TNXB: variants seen among roughly 807,000 people sequenced by gnomAD.
TNXB encodes the protein tenascin XB.
In TNXB, 183 loss-of-function variants were observed where a neutral mutation model predicts 340.5. The observed-to-expected ratio is 0.54, with a 90% CI of 0.48 to 0.61. The LOEUF (loss-of-function observed/expected upper bound fraction) is 0.61. Ranked by LOEUF, TNXB falls within the 20% of genes least tolerant of loss-of-function variation. TNXB has a pLI of 0.00. For synonymous variants in TNXB, 2,121 were observed against 2,314.5 expected (o/e 0.92, Z 2.40); for missense variants, 4,613 against 5,446.4 (o/e 0.85, Z 4.82).
At position 32,075,786 on chromosome 6, in the gene TNXB, C is replaced by A. The variant is rs1441802283; in HGVS notation, c.4376-1834G>T. 6.6e-6 allele frequency among the ~76,000 whole-genome samples: 1 copy of A among 152,218 alleles called. No individual in the cohort carries two copies. Among genetic ancestry groups the A allele is most frequent in the African/African-American group, 2.4e-5 (1 of 41,452 alleles). On this transcript the variant is annotated intron_variant, in intron 11 of 43. Coordinates refer to ENST00000644971, the MANE Select transcript of TNXB (RefSeq NM_001365276.2). This position sits in a 1 kb window ranked among gnomAD's most constrained non-coding sequence, Gnocchi z 4.6. ...GACCTGCAGATCCCCACCACTCCCG[C>A]ATGAGGAAGCACTCATTAGTGAGCA...
Position 32,089,082 on chromosome 6 carries a change from G to A in TNXB, c.2516-34C>T, listed in dbSNP as rs547241787. 1.9e-6 allele frequency: 3 copies of A among 1,598,346 alleles called. No individual in the cohort carries two copies. The highest frequency in any genetic ancestry group is 3.4e-5 in the Admixed American group (2 of 59,612). On this transcript the variant is annotated intron_variant, in intron 5 of 43. Transcript: ENST00000644971. This position sits in a 1 kb window ranked among gnomAD's most constrained non-coding sequence, Gnocchi z 6.2. ...GTTAAAGAGGAGGACTCAGGTGGGT[G>A]TCTGGTTCTTCAATCATCATCTTTC...
chr6:32,064,520 TGTGA>T lies in TNXB; in HGVS notation c.6841+297_6841+300del, dbSNP rs1778214710. ...TGAGCCACCGTGCCCAGACAGGTTG[TGTGA>T]GTCTCTTGAGGACACACAGCTCAAA... On this transcript the variant is annotated intron_variant, in intron 19 of 43. Coordinates refer to ENST00000644971, the MANE Select transcript of TNXB (RefSeq NM_001365276.2). This position sits in a 1 kb window ranked among gnomAD's most constrained non-coding sequence, Gnocchi z 5.3. Among the ~76,000 whole-genome samples the T allele has an allele frequency of 6.6e-6, 1 of 152,120 alleles. No homozygotes were observed. Among genetic ancestry groups the T allele is most frequent in the Non-Finnish European group, 1.5e-5 (1 of 68,004 alleles).
chr6:32,066,268 C>G (rs1778330643), intron 18 of TNXB, among the ~76,000 whole-genome samples: 1 of 152,078 alleles, frequency 6.6e-6, no homozygotes, highest in Non-Finnish European at 1.5e-5. Context: ...GTGGCGAGCA[C>G]CTGTGGCCCC....
Position 32,085,828 on chromosome 6 carries a change from T to C in TNXB, c.3070A>G (p.Thr1024Ala). ...QALVPPPPPG[T>A]PYELSLHGVP... ...CCATGAAGTGACAGCTCATACGGGG[T>C]TCCAGGAGGGGGTGGAGGCACCAGA... The change falls in exon 7 of 44, where the codon ACC becomes GCC. Residue 1024 changes from threonine (T) to alanine (A), a missense_variant. Physicochemically the swap from Thr to Ala is moderately conservative, Grantham distance 58. Transcript: ENST00000644971. This position sits in a 1 kb window ranked among gnomAD's most constrained non-coding sequence, Gnocchi z 6.4. The C allele has an allele frequency of 1.2e-6, 2 of 1,604,676 alleles. No individual in the cohort carries two copies. The highest frequency in any genetic ancestry group is 1.7e-6 in the Non-Finnish European group (2 of 1,176,630).
chr6:32,070,121 C>T lies in TNXB; in HGVS notation c.5278+6G>A. ...AGAGCAGGGACCTGCAGGGAATGCC[C>T]CTCACCCGTGGTGCCGTCGGCAGTG... On this transcript the variant is annotated splice_donor_region_variant and intron_variant, in intron 14 of 43. Transcript: ENST00000644971. The surrounding 1 kb of genome is among the most constrained non-coding windows in gnomAD (Gnocchi z 6.0). 1.9e-6 allele frequency: 3 copies of T among 1,555,558 alleles called. No homozygotes were observed. The highest frequency in any genetic ancestry group is 2.3e-5 in the East Asian group (1 of 44,214).
rs901009318 is a variant in TNXB at position 32,046,473 on chromosome 6, G to C, written c.10325-17C>G. ...CCAGGGGAGCTGTGCAGAGGGAGGAGGGAAAGCTCTTAGTCACATGCTGCC... is the reference window on the plus strand; with the variant it reads ...CCAGGGGAGCTGTGCAGAGGGAGGACGGAAAGCTCTTAGTCACATGCTGCC... On this transcript the variant is annotated splice_polypyrimidine_tract_variant and intron_variant, in intron 30 of 43. Transcript: ENST00000644971. The surrounding 1 kb of genome is among the most constrained non-coding windows in gnomAD (Gnocchi z 6.9). 1 of 1,548,448 alleles carries C rather than the reference G, an allele frequency of 6.5e-7. No homozygotes were observed. Among genetic ancestry groups the C allele is most frequent in the African/African-American group, 1.4e-5 (1 of 73,502 alleles).
intron 4 of TNXB, among the ~76,000 whole-genome samples, chr6:32,092,225 C>A (rs1353310981): frequency 6.6e-6 from 1 of 152,146 alleles, no homozygotes; most frequent in African/African-American, 2.4e-5. Context: ...GGGAGTCTGA[C>A]AATTTGCATG....
Position 32,082,715 on chromosome 6 carries a change from C to A in TNXB, c.3446-389G>T, listed in dbSNP as rs1779544388. On this transcript the variant is annotated intron_variant, in intron 8 of 43. Coordinates refer to ENST00000644971, the MANE Select transcript of TNXB (RefSeq NM_001365276.2). The surrounding 1 kb of genome is among the most constrained non-coding windows in gnomAD (Gnocchi z 5.0). Reference sequence around the variant, plus strand: ...CCTCCACTGCTTCCAAGCCTAACTACTAGCTGGCTTCTTCTCCAAGAGAGG... The same window carrying A: ...CCTCCACTGCTTCCAAGCCTAACTAATAGCTGGCTTCTTCTCCAAGAGAGG... Among the ~76,000 whole-genome samples, 1 of 152,200 alleles carries A rather than the reference C, an allele frequency of 6.6e-6. No homozygotes were observed. Among genetic ancestry groups the A allele is most frequent in the Non-Finnish European group, 1.5e-5 (1 of 68,038 alleles).
rs1319231054 is a variant in TNXB at position 32,082,524 on chromosome 6, C to T, written c.3446-198G>A. The stretch of plus-strand genomic sequence containing the variant: ...TGTGTGCCCTGGTGAGGAGTGGTGT[C>T]CACTTTAAGGAATGGGTGCCTTCTT... On this transcript the variant is annotated intron_variant, in intron 8 of 43. Coordinates refer to ENST00000644971, the MANE Select transcript of TNXB (RefSeq NM_001365276.2). The surrounding 1 kb of genome is among the most constrained non-coding windows in gnomAD (Gnocchi z 5.0). 6.6e-6 allele frequency among the ~76,000 whole-genome samples: 1 copy of T among 152,110 alleles called. No individual in the cohort carries two copies. Among genetic ancestry groups the T allele is most frequent in the African/African-American group, 2.4e-5 (1 of 41,408 alleles).
chr6:32,052,373 C>A lies in TNXB; in HGVS notation c.9115+297G>T, dbSNP rs1374099071. Reference sequence around the variant, plus strand: ...GGCTGAGGTAGGAGAATCACTTGAACCCAGGAGGCGGAGGTTCCAGTGAGC... The same window carrying A: ...GGCTGAGGTAGGAGAATCACTTGAAACCAGGAGGCGGAGGTTCCAGTGAGC... On this transcript the variant is annotated intron_variant, in intron 26 of 43. Transcript: ENST00000644971. This position sits in a 1 kb window ranked among gnomAD's most constrained non-coding sequence, Gnocchi z 4.7. 1.3e-5 allele frequency among the ~76,000 whole-genome samples: 2 copies of A among 151,948 alleles called. No individual in the cohort carries two copies. Among genetic ancestry groups the A allele is most frequent in the African/African-American group, 4.8e-5 (2 of 41,322 alleles).
chr6:32,104,889 A>C (rs1451768987), intron 1 of TNXB, among the ~76,000 whole-genome samples: 1 of 152,022 alleles, frequency 6.6e-6, no homozygotes, highest in African/African-American at 2.4e-5. Context: ...CTCCCACCCT[A>C]GCCTCCCAAT....
chr6:32,056,126 G>C lies in TNXB; in HGVS notation c.8192C>G (p.Pro2731Arg), dbSNP rs440160. The C allele has an allele frequency of 0.044, 71,254 of 1,612,582 alleles. 2,010 individuals carry two copies. Among genetic ancestry groups the C allele is most frequent in the African/African-American group, 0.097 (7,300 of 74,980 alleles). ...CAGGAGCGGCTCCTCAGGGGGCTCC[G>C]GGGCCTCAGTGCTGAGTTCCGTGGG... Reference protein sequence around the residue: ...PSPTELSTEAPEPPEEPLLGE... With the variant: ...PSPTELSTEAREPPEEPLLGE... The change falls in exon 24 of 44, where the codon CCG becomes CGG. Residue 2731 changes from proline to arginine, a missense_variant. Transcript: ENST00000644971.
Position 32,043,867 on chromosome 6 carries a change from A to T in TNXB, c.11412T>A (p.Asp3804Glu), listed in dbSNP as rs2894232. Residue 3804 changes from aspartate (D) to glutamate (E), a missense_variant, in exon 35 of 44, where the codon GAT becomes GAA. Physicochemically the swap from Asp to Glu is conservative, Grantham distance 45 (BLOSUM62 2). Transcript: ENST00000644971. ...DGGEPQSVQV[D>E]GQARTQKLQG... The stretch of plus-strand genomic sequence containing the variant: ...GGAGTTTCTGGGTCCGGGCCTGGCC[A>T]TCCACCTGCACACTCTGAGGCTCCC... 6.2e-7 allele frequency: 1 copy of T among 1,613,262 alleles called. No homozygotes were observed. The highest frequency in any genetic ancestry group is 1.1e-5 in the South Asian group (1 of 91,032).
intron 4 of TNXB, chr6:32,093,523 T>C (rs1382030523): frequency 8.0e-6 from 5 of 625,996 alleles, no homozygotes; most frequent in Non-Finnish European, 1.2e-5. Context: ...AGCTGTCCCC[T>C]TCTGTCCTAG....
rs2151914984 is a variant in TNXB, at chr6:32,068,723, G to A, written c.5903-16C>T. On this transcript the variant is annotated splice_polypyrimidine_tract_variant and intron_variant, in intron 16 of 43. Coordinates refer to ENST00000644971, the MANE Select transcript of TNXB (RefSeq NM_001365276.2). The surrounding 1 kb of genome is among the most constrained non-coding windows in gnomAD (Gnocchi z 5.3). ...TCCTCCGGGACTGGACAGAGACATGGAAAGAGAGGACTGAGGTGGGCAGGG... is the reference window on the plus strand; with the variant it reads ...TCCTCCGGGACTGGACAGAGACATGAAAAGAGAGGACTGAGGTGGGCAGGG... 1 of 1,609,462 alleles carries A rather than the reference G, an allele frequency of 6.2e-7. No individual in the cohort carries two copies. Among genetic ancestry groups the A allele is most frequent in the Non-Finnish European group, 8.5e-7 (1 of 1,176,686 alleles).
Position 32,067,633 on chromosome 6 carries a change from C to T in TNXB, c.6544+28G>A. ...GAGGCTGTACTTTGCTAAGACCCAA[C>T]CCAGAGGGCTCTGCAGTGCACACTC... On this transcript the variant is annotated intron_variant, in intron 18 of 43. Coordinates refer to ENST00000644971, the MANE Select transcript of TNXB (RefSeq NM_001365276.2). The surrounding 1 kb of genome is among the most constrained non-coding windows in gnomAD (Gnocchi z 4.2). 1.2e-6 allele frequency: 2 copies of T among 1,604,194 alleles called. No individual in the cohort carries two copies. Among genetic ancestry groups the T allele is most frequent in the South Asian group, 2.2e-5 (2 of 90,612 alleles).
chr6:32,079,210 C>T lies in TNXB; in HGVS notation c.4198G>A (p.Asp1400Asn), dbSNP rs1456879875. Reference sequence around the variant, plus strand: ...TCCTTGTACTGCACGGTGAAAGAGTCGAAGCTGCCCTGGGGGACGGTCCAG... The same window carrying T: ...TCCTTGTACTGCACGGTGAAAGAGTTGAAGCTGCCCTGGGGGACGGTCCAG... ...LFWTVPQGSF[D>N]SFTVQYKDRD... is the part of the protein sequence containing the mutation. Residue 1400 changes from aspartate to asparagine, a missense_variant, in exon 11 of 44, where the codon GAC becomes AAC. Around this residue, in one of 7 missense-constraint regions of TNXB, gnomAD observed 4,327 missense variants for 4,859.4 expected, o/e 0.89. Coordinates refer to ENST00000644971, the MANE Select transcript of TNXB (RefSeq NM_001365276.2). This position sits in a 1 kb window ranked among gnomAD's most constrained non-coding sequence, Gnocchi z 7.1. The T allele has an allele frequency of 6.8e-6, 11 of 1,613,734 alleles. No homozygotes were observed. Among genetic ancestry groups the T allele is most frequent in the African/African-American group, 2.7e-5 (2 of 74,918 alleles).
chr6:32,086,149 G>T, intron 6 of TNXB, 31 bp from the exon 7 acceptor site: 1 of 1,463,414 alleles, frequency 6.8e-7, no homozygotes, highest in Non-Finnish European at 9.0e-7. Flanking sequence ...AAAAAGAGGA[G>T]AGTCCAGTAT....
Position 32,097,842 on chromosome 6 carries a change from T to C in TNXB, c.357A>G (p.Glu119=). ...ILEELVKGLK[E]QCTGGCCPAS... ...CAGGACAACATCCCCCAGTGCACTGTTCCTTGAGCCCCTTCACCAACTCCT... is the reference window on the plus strand; with the variant it reads ...CAGGACAACATCCCCCAGTGCACTGCTCCTTGAGCCCCTTCACCAACTCCT... Residue 119 remains glutamate (E), a synonymous_variant, in exon 2 of 44, where the codon GAA becomes GAG. Coordinates refer to ENST00000644971, the MANE Select transcript of TNXB (RefSeq NM_001365276.2). The surrounding 1 kb of genome is among the most constrained non-coding windows in gnomAD (Gnocchi z 5.9). The C allele has an allele frequency of 6.5e-7, 1 of 1,528,666 alleles. No homozygotes were observed. Among genetic ancestry groups the C allele is most frequent in the East Asian group, 2.3e-5 (1 of 43,812 alleles). 94.7% of individuals were successfully genotyped at this position (1,528,666 alleles called of 1,614,324 possible). A position where few individuals can be genotyped will look rare whatever the true frequency, so the allele number is the denominator to read the frequency against.
Sources: gnomAD v4.1 joint callset for allele counts (sites outside exome capture counted in the v4.1 genomes callset) on GRCh38, gnomAD v4.1.1 for gene constraint, gnomAD v4.1.1 regional missense constraint, Gnocchi (gnomAD v3.1) non-coding constraint, MANE v1.5 for transcripts, NCBI Gene and HGNC (gene_info 2026-07-23, HGNC 2026-07-21) for gene names.